The following GUCY2F variants were observed in gnomAD, a reference collection of about 807,000 sequenced individuals.
GUCY2F encodes the protein guanylate cyclase 2F, retinal.
A neutral mutation model predicts 73.1 loss-of-function variants in GUCY2F; 61 were observed. The ratio of observed to expected loss-of-function variants is 0.83; its 90% CI spans 0.68 to 1.03. The LOEUF (loss-of-function observed/expected upper bound fraction) is 1.03. Ranked by LOEUF, GUCY2F falls within the 50% of genes least tolerant of loss-of-function variation. The pLI is 0.00. For missense variants in GUCY2F, 912 were observed against 854.3 expected (o/e 1.07, Z -0.84); for synonymous variants, 331 against 307.8 (o/e 1.08, Z -0.79).
At position 109,395,426 on chromosome X, in the gene GUCY2F, G is replaced by C. The variant is rs777449596; in HGVS notation, c.2339C>G (p.Ala780Gly). Residue 780 changes from alanine to glycine, a missense_variant, in exon 12 of 20, where the codon GCC becomes GGC. Coordinates refer to ENST00000218006, the MANE Select transcript of GUCY2F (RefSeq NM_001522.3). ...CATCAGCTGGAGACATTCTGGAGGG[G>C]CATGCTCAGGAGGAACTACTGGTCT... ...VYRPVVPPEH[A>G]PPECLQLMKQ... 1 of 1,195,811 alleles carries C rather than the reference G, an allele frequency of 8.4e-7. No individual in the cohort carries two copies.
intron 3 of GUCY2F, among the ~76,000 whole-genome samples, chrX:109,462,639 GAGA>G (rs1569374542): frequency 1.8e-5 from 2 of 111,758 alleles, no homozygotes; most frequent in Non-Finnish European, 3.8e-5. Flanking sequence ...CAAATATCAA[GAGA>G]AGAAGGTCTG....
rs1333575931 is a variant in GUCY2F, at chrX:109,382,219, A to C, written c.3056-7T>G. The stretch of plus-strand genomic sequence containing the variant: ...CTGACATGAATGCGATAAGCTGCAA[A>C]AGAAGGAGAGACATGATTTGGGCTC... On this transcript the variant is annotated splice_region_variant and splice_polypyrimidine_tract_variant and intron_variant, in intron 16 of 19. Coordinates refer to ENST00000218006, the MANE Select transcript of GUCY2F (RefSeq NM_001522.3). 2.8e-6 allele frequency: 3 copies of C among 1,090,299 alleles called. No homozygotes were observed. In the African/African-American group the frequency reaches 5.5e-5, roughly 20 times the overall value. The allele number at this position is 1,090,299 out of a possible 1,213,427, so 89.9% of individuals were successfully genotyped here.
intron 2 of GUCY2F, among the ~76,000 whole-genome samples, chrX:109,474,006 G>C (rs1455223676): frequency 3.6e-5 from 4 of 112,066 alleles, no homozygotes; most frequent in Non-Finnish European, 7.5e-5. Flanking sequence ...AAACATCACG[G>C]AATCTTGTCA....
At chrX:109,394,703 T>C (rs899298539) in intron 12 of GUCY2F, among the ~76,000 whole-genome samples, 4 of 111,722 alleles carry the variant, frequency 3.6e-5, no homozygotes, top group South Asian at 3.8e-4. Context: ...TTTCCTTCAC[T>C]CCCCTTTCAA....
intron 3 of GUCY2F, among the ~76,000 whole-genome samples, chrX:109,462,184 T>A (rs944039036): frequency 2.7e-5 from 3 of 112,671 alleles, no homozygotes; most frequent in African/African-American, 9.7e-5. Flanking sequence ...TTTGTTTAAT[T>A]TTCACAGTAG....
At position 109,378,642 on chromosome X, in the gene GUCY2F, G is replaced by T. The variant is rs938760294; in HGVS notation, c.3151-2475C>A. Among the ~76,000 whole-genome samples, 4 of 111,369 alleles carry T rather than the reference G, an allele frequency of 3.6e-5. No individual in the cohort carries two copies. In the Admixed American group the frequency reaches 3.8e-4, roughly 11 times the overall value. ...TCATAGACATGCTCATACACACACT[G>T]CTTGTGTGTGTATGCTGGGGTTGGG... On this transcript the variant is annotated intron_variant, in intron 17 of 19. Transcript: ENST00000218006.
intron 8 of GUCY2F, among the ~76,000 whole-genome samples, chrX:109,416,853 A>G (rs1022281142): frequency 2.7e-5 from 3 of 109,683 alleles, no homozygotes; most frequent in African/African-American, 1.0e-4. Context: ...TAAACTTTTG[A>G]AGGTAGTCAG....
At chrX:109,426,481 C>T (rs924326593) in intron 8 of GUCY2F, among the ~76,000 whole-genome samples, 1 of 112,082 alleles carries the variant, frequency 8.9e-6, no homozygotes, top group African/African-American at 3.2e-5. Flanking sequence ...CTCCGCCTCC[C>T]GGGTTCACGC....
rs1484594096 is a variant in GUCY2F, at chrX:109,376,093, T to C, written c.3225A>G (p.Pro1075=). 36 of 1,201,205 alleles carry C rather than the reference T, an allele frequency of 3.0e-5. No individual in the cohort carries two copies. Among genetic ancestry groups the C allele is most frequent in the South Asian group, 1.8e-4 (10 of 56,754 alleles). ...ACTCCACTTACCCATCTTTGTCCAC[T>C]GGTGGGGGCACAGGAAGGGGCTTCA... The part of the protein sequence containing the change: ...GFMKPLPVPP[P]VDKDGQVGHG... Residue 1075 remains proline (P), a synonymous_variant, in exon 18 of 20, where the codon CCA becomes CCG. Coordinates refer to ENST00000218006, the MANE Select transcript of GUCY2F (RefSeq NM_001522.3).
intron 14 of GUCY2F, 94 bp downstream of exon 14, chrX:109,391,817 T>A: frequency 2.0e-6 from 1 of 489,674 alleles, no homozygotes; most frequent in Non-Finnish European, 3.3e-6. Context: ...ATAACAATAT[T>A]CCATAAATTT....
At chrX:109,480,186 T>C (rs1211521059) in intron 1 of GUCY2F, among the ~76,000 whole-genome samples, 1 of 111,878 alleles carries the variant, frequency 8.9e-6, no homozygotes, top group Non-Finnish European at 1.9e-5. Flanking sequence ...GGGGTAAAGT[T>C]TGTCTTCAGA....
chrX:109,458,417 G>A (rs1932301183), intron 3 of GUCY2F, among the ~76,000 whole-genome samples: 2 of 111,301 alleles, frequency 1.8e-5, no homozygotes, highest in South Asian at 7.7e-4. Context: ...GTTGTCTGAG[G>A]ATCCCATTGG....
intron 9 of GUCY2F, among the ~76,000 whole-genome samples, chrX:109,405,705 G>C (rs141056304): frequency 9.0e-6 from 1 of 111,292 alleles, no homozygotes; most frequent in Non-Finnish European, 1.9e-5. Context: ...GTTGTCTAAC[G>C]GTTGCTTTTC....
chrX:109,389,140 C>T (rs1178235802), intron 14 of GUCY2F, among the ~76,000 whole-genome samples: 1 of 111,917 alleles, frequency 8.9e-6, no homozygotes, highest in Admixed American at 9.4e-5. Context: ...CTTGCTAATA[C>T]GATGAAGTTA....
At position 109,473,360 on chromosome X, in the gene GUCY2F, A is replaced by G. The variant is rs111307090; in HGVS notation, c.730+1847T>C. 6.5e-3 allele frequency among the ~76,000 whole-genome samples: 725 copies of G among 111,924 alleles called. 9 individuals are homozygous for G. Among genetic ancestry groups the G allele is most frequent in the East Asian group, 0.053 (188 of 3,571 alleles). On this transcript the variant is annotated intron_variant, in intron 2 of 19. Transcript: ENST00000218006. ...CAATCTGACTAAGCGAAGTCATATT[A>G]AAACAATGGGAACTTAAAGCAAGAA...
At chrX:109,401,902 C>G (rs1282093664) in intron 10 of GUCY2F, among the ~76,000 whole-genome samples, 1 of 110,848 alleles carries the variant, frequency 9.0e-6, no homozygotes, top group Non-Finnish European at 1.9e-5. Flanking sequence ...AAGAGACAGC[C>G]TGGTGTAATG....
intron 5 of GUCY2F, among the ~76,000 whole-genome samples, chrX:109,450,445 T>C (rs1201705285): frequency 8.9e-6 from 1 of 111,901 alleles, no homozygotes; most frequent in Non-Finnish European, 1.9e-5. Context: ...AGTGATTCCA[T>C]TTCCCACATT....
At position 109,392,070 on chromosome X, in the gene GUCY2F, T is replaced by G; in HGVS notation, c.2622A>C (p.Thr874=). The G allele has an allele frequency of 4.1e-6, 5 of 1,205,643 alleles. No homozygotes were observed. The highest frequency in any genetic ancestry group is 5.6e-6 in the Non-Finnish European group (5 of 892,544). ...CCAAGTCAAAGCCCTCAGGTTCAACTGTGCAGCCCTTTTTGAGAGATTCAG... is the reference window on the plus strand; with the variant it reads ...CCAAGTCAAAGCCCTCAGGTTCAACGGTGCAGCCCTTTTTGAGAGATTCAG... The part of the protein sequence containing the change: ...SVAESLKKGC[T]VEPEGFDLVT... Residue 874 remains threonine, a synonymous_variant, in exon 14 of 20, where the codon ACA becomes ACC. Transcript: ENST00000218006.
chrX:109,391,918 ACAT>A lies in GUCY2F; in HGVS notation c.2771_2773del (p.Asp924del), dbSNP rs1479213073. 1.7e-6 allele frequency: 2 copies of A among 1,185,026 alleles called. No individual in the cohort carries two copies. Among genetic ancestry groups the A allele is most frequent in the Non-Finnish European group, 2.3e-6 (2 of 878,360 alleles). ...TCCTGCTAATTAACCTACCTTGTAG[ACAT>A]CATGACTGCCAATTATTGCATCAAA... On this transcript the variant is annotated inframe_deletion, in exon 14 of 20. Transcript: ENST00000218006.
Sources: allele counts gnomAD v4.1 joint callset (sites outside exome capture counted in the v4.1 genomes callset), GRCh38; gene constraint gnomAD v4.1.1; transcripts MANE v1.5; gene names NCBI Gene and HGNC (gene_info 2026-07-23, HGNC 2026-07-21).